FARP1: variants seen among roughly 807,000 people sequenced by gnomAD.
The protein encoded by FARP1 is FERM, ARH/RhoGEF and pleckstrin domain protein 1.
Under a neutral mutation model 128.8 loss-of-function variants are expected in FARP1, and 52 were observed. The observed-to-expected ratio is 0.40, with a 90% confidence interval of 0.32 to 0.51. The LOEUF (loss-of-function observed/expected upper bound fraction) is 0.51, where lower values mean the gene tolerates loss of function less well. Among genes scored for constraint, FARP1 ranks in the 20% least tolerant of loss-of-function variants. The probability of loss-of-function intolerance (pLI) is 0.45; values close to 1 mark genes in which losing one functional copy is unlikely to be tolerated. For synonymous variants in FARP1, 580 were observed against 551.8 expected, an observed-to-expected ratio of 1.05 and a Z score of -0.72; for missense variants, 1,333 against 1,367.9, an observed-to-expected ratio of 0.97 and a Z score of 0.40.
At chr13:98,212,486 A>T (rs1278364946) in intron 1 of FARP1, among the ~76,000 whole-genome samples, 1 of 152,074 alleles carries the variant, frequency 6.6e-6, no homozygotes, top group Non-Finnish European at 1.5e-5. Context: ...GCGAGAGGGG[A>T]GGGAGAAGCT....
intron 1 of FARP1, among the ~76,000 whole-genome samples, chr13:98,168,179 AAAAAT>A (rs996465666): frequency 1.2e-4 from 18 of 151,428 alleles, no homozygotes; most frequent in African/African-American, 3.6e-4. Flanking sequence ...CTCAAAAAAA[AAAAAT>A]AAAATAAATA....
intron 2 of FARP1, among the ~76,000 whole-genome samples, chr13:98,256,948 G>GGTATGTATAT (rs59128917): frequency 2.6e-5 from 2 of 77,076 alleles, no homozygotes. Context: ...TATATATGTG[G>GGTATGTATAT]ATATATATAT....
chr13:98,238,728 CAT>C (rs1246185717), intron 2 of FARP1, among the ~76,000 whole-genome samples: 1 of 152,138 alleles, frequency 6.6e-6, no homozygotes, highest in Non-Finnish European at 1.5e-5. Flanking sequence ...CTTCCCAGGA[CAT>C]GTGGGAAGTA....
At chr13:98,321,872 G>C (rs1252196871) in intron 2 of FARP1, among the ~76,000 whole-genome samples, 1 of 152,228 alleles carries the variant, frequency 6.6e-6, no homozygotes, top group Non-Finnish European at 1.5e-5. Context: ...GAGCAAACTT[G>C]AGTTGAAATC....
intron 2 of FARP1, among the ~76,000 whole-genome samples, chr13:98,289,998 C>T (rs1470085745): frequency 1.3e-5 from 2 of 152,080 alleles, no homozygotes; most frequent in African/African-American, 2.4e-5. Flanking sequence ...CCACAACACC[C>T]CCATTTTACA....
chr13:98,183,486 T>C (rs2139209100), intron 1 of FARP1, among the ~76,000 whole-genome samples: 1 of 152,338 alleles, frequency 6.6e-6, no homozygotes, highest in Non-Finnish European at 1.5e-5. Context: ...AGGCCCAGAT[T>C]CCTGGGCATG....
At chr13:98,419,572 G>A (rs756651632) in intron 16 of FARP1, among the ~76,000 whole-genome samples, 2 of 151,050 alleles carry the variant, frequency 1.3e-5, no homozygotes, top group African/African-American at 4.9e-5. Context: ...CTCCCCACCC[G>A]ATATATTAAT....
chr13:98,252,846 T>C (rs1883411561), intron 2 of FARP1, among the ~76,000 whole-genome samples: 1 of 152,234 alleles, frequency 6.6e-6, no homozygotes, highest in African/African-American at 2.4e-5. Flanking sequence ...TGATCATGTA[T>C]ACTTCAGAGG....
At chr13:98,229,100 T>C (rs1292470843) in intron 2 of FARP1, among the ~76,000 whole-genome samples, 1 of 152,218 alleles carries the variant, frequency 6.6e-6, no homozygotes, top group Non-Finnish European at 1.5e-5. Context: ...TTGAATAACA[T>C]ATGACATTCC....
chr13:98,314,627 AAG>A (rs534630972), intron 2 of FARP1, among the ~76,000 whole-genome samples: 1 of 152,234 alleles, frequency 6.6e-6, no homozygotes, highest in Non-Finnish European at 1.5e-5. Flanking sequence ...TCAAAAAAGA[AAG>A]AGGTGGGGAA....
intron 3 of FARP1, among the ~76,000 whole-genome samples, chr13:98,355,642 A>G (rs1888608922): frequency 6.6e-6 from 1 of 152,214 alleles, no homozygotes. Context: ...ACTTCCCTAA[A>G]GTGTTAATGA....
At chr13:98,337,973 G>A (rs1308053732) in intron 2 of FARP1, among the ~76,000 whole-genome samples, 9 of 152,046 alleles carry the variant, frequency 5.9e-5, no homozygotes, top group Non-Finnish European at 1.3e-4. Flanking sequence ...AATATTTTTC[G>A]AAGATCTCAT....
At chr13:98,246,743 A>T (rs1231852734) in intron 2 of FARP1, among the ~76,000 whole-genome samples, 1 of 152,208 alleles carries the variant, frequency 6.6e-6, no homozygotes, top group Non-Finnish European at 1.5e-5. Context: ...GAATGACATC[A>T]CTAAGCACAC....
At chr13:98,216,492 G>A (rs1220299129) in intron 2 of FARP1, among the ~76,000 whole-genome samples, 14 of 152,212 alleles carry the variant, frequency 9.2e-5, no homozygotes, top group Admixed American at 7.9e-4. Flanking sequence ...AGCTGGGCAC[G>A]TGGCCAGAAG....
At chr13:98,223,974 A>G (rs1389145369) in intron 2 of FARP1, among the ~76,000 whole-genome samples, 2 of 152,184 alleles carry the variant, frequency 1.3e-5, no homozygotes, top group African/African-American at 2.4e-5. Flanking sequence ...CTGTGACATG[A>G]ACTATAAAAT....
intron 6 of FARP1, among the ~76,000 whole-genome samples, chr13:98,379,085 CTATA>C (rs1270175401): frequency 1.9e-5 from 1 of 51,762 alleles, no homozygotes; most frequent in Non-Finnish European, 3.3e-5. Flanking sequence ...AATATGTAAT[CTATA>C]TATAATATAT....
At position 98,172,097 on chromosome 13, in the gene FARP1, C is replaced by T. The variant is rs544170536; in HGVS notation, c.-24+28605C>T. Among the ~76,000 whole-genome samples the T allele has an allele frequency of 1.0e-3, 152 of 152,140 alleles. 2 individuals carry two copies. The South Asian group carries it at 0.03, about 30-fold the overall frequency. On this transcript the variant is annotated intron_variant, in intron 1 of 26. Coordinates refer to ENST00000319562, the MANE Select transcript of FARP1 (RefSeq NM_005766.4). ...CCGATAATGCAGGGCCATGGAAATC[C>T]GGCCGTTCTTTATCTGTGCTCTGCT...
chr13:98,166,449 A>G (rs1877270221), intron 1 of FARP1, among the ~76,000 whole-genome samples: 1 of 152,200 alleles, frequency 6.6e-6, no homozygotes, highest in African/African-American at 2.4e-5. Flanking sequence ...ATGTTTTACA[A>G]ATATTAACTT....
chr13:98,370,524 G>A (rs1042052050), intron 5 of FARP1, among the ~76,000 whole-genome samples: 2 of 150,250 alleles, frequency 1.3e-5, no homozygotes, highest in Non-Finnish European at 3.0e-5. Context: ...TGAGGTGGTG[G>A]TGGACTTTGA....
Sources: gnomAD v4.1 joint callset for allele counts (sites outside exome capture counted in the v4.1 genomes callset) on GRCh38, gnomAD v4.1.1 for gene constraint, MANE v1.5 for transcripts, NCBI Gene and HGNC (gene_info 2026-07-23, HGNC 2026-07-21) for gene names.